PWWP3B: variants seen among roughly 807,000 people sequenced by gnomAD.
PWWP3B encodes the protein PWWP domain-containing DNA repair factor 3B.
A neutral mutation model predicts 15.7 loss-of-function variants in PWWP3B; 5 were observed. The ratio of observed to expected loss-of-function variants is 0.32; its 90% CI spans 0.17 to 0.67. The LOEUF (loss-of-function observed/expected upper bound fraction) is 0.67, where lower values mean the gene tolerates loss of function less well. Among genes scored for constraint, PWWP3B ranks in the 30% least tolerant of loss-of-function variants. The pLI is 0.74. For synonymous variants in PWWP3B, 203 were observed against 179.8 expected (o/e 1.13, Z -1.03); for missense variants, 519 against 493.1 (o/e 1.05, Z -0.50).
intron 2 of PWWP3B, among the ~76,000 whole-genome samples, chrX:106,178,356 C>T (rs1345239583): frequency 2.7e-5 from 3 of 112,230 alleles, no homozygotes; most frequent in Non-Finnish European, 3.8e-5. Flanking sequence ...AAAGTATGAA[C>T]TTGTAGTGAC....
chrX:106,200,449 AT>A (rs1237723888), intron 2 of PWWP3B, among the ~76,000 whole-genome samples: 1 of 111,169 alleles, frequency 9.0e-6, no homozygotes, highest in African/African-American at 3.3e-5. Flanking sequence ...ATTTATTGGT[AT>A]TTTTATTTTA....
chrX:106,193,720 T>G (rs981211228), intron 2 of PWWP3B, among the ~76,000 whole-genome samples: 3 of 112,057 alleles, frequency 2.7e-5, no homozygotes, highest in Non-Finnish European at 5.6e-5. Context: ...TAGGAGCTCT[T>G]TTACGGCAGG....
chrX:106,188,384 T>G (rs1162357653), intron 2 of PWWP3B, among the ~76,000 whole-genome samples: 1 of 111,999 alleles, frequency 8.9e-6, no homozygotes, highest in Admixed American at 9.5e-5. Flanking sequence ...ACCCACAGCC[T>G]TCTTTGGCAA....
rs755268817 is a variant in PWWP3B at position 106,193,673 on chromosome X, G to A, written c.-400-10312G>A. On this transcript the variant is annotated intron_variant, in intron 2 of 3. Transcript: ENST00000357175. The stretch of plus-strand genomic sequence containing the variant: ...AATTTGGCATGTTTTTGCAGTGCCT[G>A]GTACTGGTTGTTCCTTTCCATGTTT... 2.5e-4 allele frequency among the ~76,000 whole-genome samples: 28 copies of A among 112,186 alleles called. No homozygotes were observed. In the South Asian group the frequency reaches 3.0e-3, roughly 12 times the overall value.
At chrX:106,203,191 T>C (rs1016327634) in intron 2 of PWWP3B, among the ~76,000 whole-genome samples, 10 of 112,070 alleles carry the variant, frequency 8.9e-5, no homozygotes, top group African/African-American at 3.2e-4. Flanking sequence ...GAAATACATA[T>C]AGTAAATATT....
Position 106,208,350 on chromosome X carries a change from T to A in PWWP3B, c.*827T>A, listed in dbSNP as rs1171580902. ...TTCTTAATATAGCTGTCTGACCACA[T>A]GTGGAAGGCAGCTAGACTTATTGTA... On this transcript the variant is annotated 3_prime_UTR_variant, in exon 4 of 4. Transcript: ENST00000357175. 1 of 123,296 alleles carries A rather than the reference T, an allele frequency of 8.1e-6. No individual in the cohort carries two copies. The highest frequency in any genetic ancestry group is 3.2e-5 in the African/African-American group (1 of 30,800). 10.2% of individuals were successfully genotyped at this position (123,296 alleles called of 1,213,427 possible).
In PWWP3B at chrX:106,207,169, A is replaced by G. The variant is rs1189169564; in HGVS notation, c.1737A>G (p.Gly579=). 1 of 1,206,824 alleles carries G rather than the reference A, an allele frequency of 8.3e-7. No individual in the cohort carries two copies. The highest frequency in any genetic ancestry group is 1.8e-5 in the South Asian group (1 of 55,986). ...HLLAIVNGTK[G]SRWLKSFLNA... is the part of the protein sequence containing the mutation. ...TGGCCATTGTAAATGGCACAAAAGG[A>G]TCCAGATGGCTGAAATCATTTTTGA... is the stretch of plus-strand genomic sequence containing the variant. The change falls in exon 4 of 4, where the codon GGA becomes GGG. Residue 579 remains glycine (G), a synonymous_variant. Coordinates refer to ENST00000357175, the MANE Select transcript of PWWP3B (RefSeq NM_001171020.2).
intron 2 of PWWP3B, among the ~76,000 whole-genome samples, chrX:106,188,303 A>T (rs1272857715): frequency 8.9e-6 from 1 of 112,195 alleles, no homozygotes; most frequent in Admixed American, 9.5e-5. Flanking sequence ...AATAAAAGAG[A>T]TCAAAATAAT....
At chrX:106,192,901 G>A (rs1923091900) in intron 2 of PWWP3B, among the ~76,000 whole-genome samples, 1 of 111,528 alleles carries the variant, frequency 9.0e-6, no homozygotes, top group Non-Finnish European at 1.9e-5. Context: ...ACTGTGGTCT[G>A]AGAGACAGTT....
intron 2 of PWWP3B, among the ~76,000 whole-genome samples, chrX:106,178,307 G>C (rs765056551): frequency 8.9e-6 from 1 of 112,305 alleles, no homozygotes; most frequent in African/African-American, 3.2e-5. Flanking sequence ...ATGTACTATG[G>C]TGCATCCATA....
At chrX:106,187,963 C>T (rs1291419214) in intron 2 of PWWP3B, among the ~76,000 whole-genome samples, 2 of 111,956 alleles carry the variant, frequency 1.8e-5, no homozygotes, top group African/African-American at 6.5e-5. Flanking sequence ...ATCATTATCT[C>T]CAGATTGTAG....
intron 2 of PWWP3B, among the ~76,000 whole-genome samples, chrX:106,190,567 T>G (rs894617246): frequency 8.9e-6 from 1 of 111,963 alleles, no homozygotes; most frequent in African/African-American, 3.3e-5. Flanking sequence ...CATTTGTCAA[T>G]TTTGGCTTTT....
chrX:106,176,027 A>G (rs191820243), intron 2 of PWWP3B, among the ~76,000 whole-genome samples: 1 of 111,704 alleles, frequency 9.0e-6, no homozygotes, highest in African/African-American at 3.2e-5. Flanking sequence ...ACAACAGTAC[A>G]AGAGGAAGAG....
intron 2 of PWWP3B, among the ~76,000 whole-genome samples, chrX:106,190,176 C>A (rs1198105269): frequency 1.2e-4 from 13 of 111,426 alleles, no homozygotes; most frequent in African/African-American, 4.3e-4. Context: ...TAAAAGTGTT[C>A]CTATTTCTCC....
chrX:106,170,424 G>A (rs972100299), intron 1 of PWWP3B, among the ~76,000 whole-genome samples: 6 of 111,840 alleles, frequency 5.4e-5, no homozygotes, highest in African/African-American at 1.3e-4. Flanking sequence ...AGAACATTAT[G>A]ATCCCATTTT....
At chrX:106,198,510 A>T (rs982014410) in intron 2 of PWWP3B, among the ~76,000 whole-genome samples, 2 of 111,752 alleles carry the variant, frequency 1.8e-5, no homozygotes, top group Non-Finnish European at 3.8e-5. Context: ...TAACCATCTA[A>T]TTATTAAATA....
rs370995669 is a variant in PWWP3B at position 106,206,370 on chromosome X, G to A, written c.938G>A (p.Cys313Tyr). ...GGGGCTGCAGCATGCCCTGGGAGTT[G>A]TTCAAGGGAATGCGAGGTTTCATTT... ...EMGAAACPGS[C>Y]SRECEVSFSA... is the part of the protein sequence containing the mutation. Residue 313 changes from cysteine (C) to tyrosine (Y), a missense_variant, in exon 4 of 4, where the codon TGT becomes TAT. Transcript: ENST00000357175. 30 of 1,204,308 alleles carry A rather than the reference G, an allele frequency of 2.5e-5. No homozygotes were observed. Among genetic ancestry groups the A allele is most frequent in the Non-Finnish European group, 3.0e-5 (27 of 892,147 alleles).
rs749560198 is a variant in PWWP3B at position 106,206,166 on chromosome X, C to T, written c.734C>T (p.Ser245Leu). Residue 245 changes from serine (S) to leucine (L), a missense_variant, in exon 4 of 4, where the codon TCA (serine) becomes TTA (leucine). By Grantham distance (145) the Ser-to-Leu change is moderately radical. Coordinates refer to ENST00000357175, the MANE Select transcript of PWWP3B (RefSeq NM_001171020.2). ...GCTCCACCTTTGTCACCTTTGTCATCAGATATGCTCATTATGCCCAAAGCT... is the reference window on the plus strand; with the variant it reads ...GCTCCACCTTTGTCACCTTTGTCATTAGATATGCTCATTATGCCCAAAGCT... Reference protein sequence around the residue: ...KFAPPLSPLSSDMLIMPKALK... With the variant: ...KFAPPLSPLSLDMLIMPKALK... The T allele has an allele frequency of 9.9e-6, 12 of 1,206,600 alleles. No individual in the cohort carries two copies. Among genetic ancestry groups the T allele is most frequent in the Non-Finnish European group, 1.3e-5 (12 of 893,772 alleles).
At chrX:106,170,771 T>A (rs957994494) in intron 1 of PWWP3B, among the ~76,000 whole-genome samples, 19 of 111,764 alleles carry the variant, frequency 1.7e-4, no homozygotes, top group African/African-American at 6.2e-4. Context: ...AATTGTTCTT[T>A]CCCTTCTCTC....
Sources: gnomAD v4.1 joint callset for allele counts (sites outside exome capture counted in the v4.1 genomes callset) on GRCh38, gnomAD v4.1.1 for gene constraint, MANE v1.5 for transcripts, NCBI Gene and HGNC (gene_info 2026-07-23, HGNC 2026-07-21) for gene names.